Variants in KLHL29 observed in about 807,000 individuals in gnomAD.
KLHL29 encodes kelch-like protein 29.
In KLHL29, 21 loss-of-function variants were observed where a neutral mutation model predicts 80.4. The ratio of observed to expected loss-of-function variants is 0.26; its 90% confidence interval spans 0.19 to 0.38. The LOEUF is 0.38. Ranked by LOEUF, KLHL29 falls within the 10% of genes least tolerant of loss-of-function variation. KLHL29 has a pLI of 1.00. For missense variants in KLHL29, 867 were observed against 1,223.9 expected (o/e 0.71, Z 4.35); for synonymous variants, 511 against 526.8 (o/e 0.97, Z 0.41).
chr2:23,502,623 G>A (rs762624859), intron 2 of KLHL29, among the ~76,000 whole-genome samples: 2 of 152,326 alleles, frequency 1.3e-5, no homozygotes, highest in East Asian at 1.9e-4. Flanking sequence ...CATCCCCCTC[G>A]TGTTTGGCCC....
intron 1 of KLHL29, among the ~76,000 whole-genome samples, chr2:23,467,125 A>G (rs1423960499): frequency 1.3e-5 from 2 of 152,156 alleles, no homozygotes; most frequent in Non-Finnish European, 2.9e-5. Flanking sequence ...CTGGATCCAG[A>G]CATCAATTCG....
intron 2 of KLHL29, among the ~76,000 whole-genome samples, chr2:23,533,803 C>T (rs576827249): frequency 3.3e-5 from 5 of 152,316 alleles, no homozygotes; most frequent in African/African-American, 1.2e-4. Flanking sequence ...TAATTATAAG[C>T]TAACTCTGTT....
At chr2:23,452,592 C>G (rs145221390) in intron 1 of KLHL29, among the ~76,000 whole-genome samples, 2 of 152,162 alleles carry the variant, frequency 1.3e-5, no homozygotes, top group African/African-American at 4.8e-5. Flanking sequence ...CCATCAGCCC[C>G]GCCTTTGTGT....
intron 1 of KLHL29, among the ~76,000 whole-genome samples, chr2:23,410,159 C>T (rs989772619): frequency 6.6e-6 from 1 of 152,310 alleles, no homozygotes. Context: ...GACTGGCTGA[C>T]TGTTTTTAAG....
intron 3 of KLHL29, among the ~76,000 whole-genome samples, chr2:23,597,252 GTGTCTGT>G (rs1438769034): frequency 1.4e-5 from 2 of 142,714 alleles, no homozygotes; most frequent in Non-Finnish European, 3.0e-5. Flanking sequence ...AACTTGCTAC[GTGTCTGT>G]TCACCCATCT....
intron 6 of KLHL29, chr2:23,689,025 C>G (rs1236849626): frequency 6.5e-6 from 1 of 153,202 alleles, no homozygotes; most frequent in Non-Finnish European, 1.5e-5. Context: ...CGCCCCCACC[C>G]CCTCACAGCT....
intron 5 of KLHL29, among the ~76,000 whole-genome samples, chr2:23,658,438 A>G (rs1309618409): frequency 6.6e-6 from 1 of 152,164 alleles, no homozygotes; most frequent in African/African-American, 2.4e-5. Context: ...AGGCAGCCTC[A>G]TTCGGGCTCC....
At chr2:23,657,805 G>A (rs562641553) in intron 5 of KLHL29, among the ~76,000 whole-genome samples, 1 of 152,200 alleles carries the variant, frequency 6.6e-6, no homozygotes, top group Non-Finnish European at 1.5e-5. Flanking sequence ...AAGAAGGCTG[G>A]TTGGTCACCG....
chr2:23,420,857 A>G (rs1662778876), intron 1 of KLHL29, among the ~76,000 whole-genome samples: 1 of 148,556 alleles, frequency 6.7e-6, no homozygotes, highest in South Asian at 2.2e-4. Context: ...TCTTTCCGCC[A>G]CCCCCCCACC....
intron 2 of KLHL29, among the ~76,000 whole-genome samples, chr2:23,502,700 G>C (rs1244378712): frequency 6.6e-6 from 1 of 152,244 alleles, no homozygotes; most frequent in Non-Finnish European, 1.5e-5. Flanking sequence ...CCACTTTGCT[G>C]ATCTCTTTAG....
At chr2:23,392,689 T>A (rs1283618237) in intron 1 of KLHL29, among the ~76,000 whole-genome samples, 1 of 152,236 alleles carries the variant, frequency 6.6e-6, no homozygotes, top group Non-Finnish European at 1.5e-5. Flanking sequence ...CAGCTGGGTT[T>A]GAACACAGAT....
rs905138579 is a variant in KLHL29 at position 23,443,390 on chromosome 2, G to T, written c.-153-32170G>T. Among the ~76,000 whole-genome samples the T allele has an allele frequency of 1.3e-5, 2 of 152,086 alleles. 1 individual carries two copies. The highest frequency in any genetic ancestry group is 2.9e-5 in the Non-Finnish European group (2 of 68,004). ...CATACAGTCTACATTCAAATTTCCC[G>T]AGTGGCCAAAACAAATTTTTAGAAT... On this transcript the variant is annotated intron_variant, in intron 1 of 13. Coordinates refer to ENST00000486442, the MANE Select transcript of KLHL29 (RefSeq NM_052920.2).
rs1572518245 is a variant in KLHL29, at chr2:23,695,804, G to A, written c.1724G>A (p.Arg575Gln). Residue 575 changes from arginine (R) to glutamine (Q), a missense_variant, in exon 9 of 14, where the codon CGG becomes CAG. Physicochemically the swap from Arg to Gln is conservative, Grantham distance 43 (BLOSUM62 1). Transcript: ENST00000486442. The surrounding 1 kb of genome is among the most constrained non-coding windows in gnomAD (Gnocchi z 7.6). ...ARQEMQTPRTRPRLSAGVAEV... is the reference protein window; with the variant it reads ...ARQEMQTPRTQPRLSAGVAEV... ...CAGGAGATGCAGACGCCCCGAACCC[G>A]GCCGCGCCTCTCTGCAGGTATGAAG... 5 of 1,549,614 alleles carry A rather than the reference G, an allele frequency of 3.2e-6. No individual in the cohort carries two copies. Among genetic ancestry groups the A allele is most frequent in the Middle Eastern group, 1.7e-4 (1 of 5,988 alleles).
intron 5 of KLHL29, chr2:23,667,095 C>G (rs1259240879): frequency 6.6e-6 from 1 of 152,232 alleles, no homozygotes; most frequent in Non-Finnish European, 1.5e-5. Flanking sequence ...CGTGATACCA[C>G]CTGTCATTAA....
At chr2:23,585,762 C>T (rs1668102233) in intron 3 of KLHL29, among the ~76,000 whole-genome samples, 1 of 152,104 alleles carries the variant, frequency 6.6e-6, no homozygotes. Flanking sequence ...TCGGAGGCTC[C>T]AAGGGGTGAT....
intron 3 of KLHL29, among the ~76,000 whole-genome samples, chr2:23,634,926 TCAGAGACC>T (rs1337310230): frequency 1.3e-5 from 2 of 148,770 alleles, no homozygotes; most frequent in Non-Finnish European, 3.0e-5. Context: ...ACACTTTAGC[TCAGAGACC>T]CTGCCCTCAT....
chr2:23,573,788 G>T (rs546002625), intron 3 of KLHL29, among the ~76,000 whole-genome samples: 22 of 152,342 alleles, frequency 1.4e-4, no homozygotes, highest in African/African-American at 5.3e-4. Flanking sequence ...TCCGGTGCAT[G>T]ATGCTTGGGG....
intron 3 of KLHL29, among the ~76,000 whole-genome samples, chr2:23,636,507 G>A (rs1290027937): frequency 6.6e-6 from 1 of 152,070 alleles, no homozygotes; most frequent in Admixed American, 6.5e-5. Context: ...GCCGGTTGTA[G>A]CCCACTTCGC....
chr2:23,656,268 G>A (rs942193192), intron 5 of KLHL29, among the ~76,000 whole-genome samples: 2 of 152,190 alleles, frequency 1.3e-5, no homozygotes, highest in Non-Finnish European at 2.9e-5. Context: ...GAGGCCATGC[G>A]ATGGGAGATG....
Sources: gnomAD v4.1 joint callset for allele counts (sites outside exome capture counted in the v4.1 genomes callset) on GRCh38, gnomAD v4.1.1 for gene constraint, Gnocchi (gnomAD v3.1) non-coding constraint, MANE v1.5 for transcripts, NCBI Gene and HGNC (gene_info 2026-07-23, HGNC 2026-07-21) for gene names.